PIGB: variants seen among roughly 807,000 people sequenced by gnomAD.
The protein encoded by PIGB is GPI alpha-1,2-mannosyltransferase 3.
PIGB carries 58 observed loss-of-function variants against 68.4 expected under a neutral mutation model. The observed-to-expected ratio is 0.85, with a 90% CI of 0.69 to 1.06. The LOEUF is 1.06. PIGB is among the 50% of genes least tolerant of loss of function. PIGB has a pLI of 0.00. For synonymous variants in PIGB, 219 were observed against 220.5 expected, an observed-to-expected ratio of 0.99 and a Z score of 0.06; for missense variants, 634 against 655.8, an observed-to-expected ratio of 0.97 and a Z score of 0.36.
rs781507884 is a variant in PIGB, at chr15:55,354,935, C to T, written c.1475C>T (p.Ala492Val). Residue 492 changes from alanine to valine, a missense_variant, in exon 11 of 12, where the codon GCA becomes GTA. By Grantham distance (64) the Ala-to-Val change is moderately conservative. Transcript: ENST00000164305. ...NWLHREFHDD[A>V]SLPTHLITFS... ...TTACATAGAGAGTTTCATGATGATGCATCATTGCCTACTCACTTGATCACC... is the reference window on the plus strand; with the variant it reads ...TTACATAGAGAGTTTCATGATGATGTATCATTGCCTACTCACTTGATCACC... 1 of 1,612,918 alleles carries T rather than the reference C, an allele frequency of 6.2e-7. No homozygotes were observed. The highest frequency in any genetic ancestry group is 1.7e-5 in the Admixed American group (1 of 59,870).
At chr15:55,347,487 ATT>A (rs1373838215) in intron 9 of PIGB, among the ~76,000 whole-genome samples, 1 of 152,256 alleles carries the variant, frequency 6.6e-6, no homozygotes, top group African/African-American at 2.4e-5. Flanking sequence ...CCCAAACTTC[ATT>A]TTTAAGTTGG....
chr15:55,334,503 C>T (rs1487823654), intron 6 of PIGB, among the ~76,000 whole-genome samples: 2 of 151,984 alleles, frequency 1.3e-5, no homozygotes, highest in Non-Finnish European at 2.9e-5. Context: ...ACTATGAGCT[C>T]CTAGGATGAG....
chr15:55,346,913 A>C (rs2055807530), intron 9 of PIGB, among the ~76,000 whole-genome samples: 2 of 152,120 alleles, frequency 1.3e-5, no homozygotes, highest in Admixed American at 6.5e-5. Context: ...AATCTTTCCA[A>C]CCCTTCCTTT....
intron 6 of PIGB, among the ~76,000 whole-genome samples, chr15:55,337,545 A>C (rs1373828126): frequency 6.6e-6 from 1 of 152,224 alleles, no homozygotes; most frequent in Non-Finnish European, 1.5e-5. Flanking sequence ...GAGGTGGAAC[A>C]GTTTCATCCA....
chr15:55,334,733 T>A (rs1005582078), intron 6 of PIGB, among the ~76,000 whole-genome samples: 27 of 152,352 alleles, frequency 1.8e-4, no homozygotes, highest in Middle Eastern at 6.8e-3. Context: ...TATATTTTTT[T>A]ATTTGAGACG....
chr15:55,321,113 G>T (rs1484977872), intron 2 of PIGB, among the ~76,000 whole-genome samples, 160 bp from the exon 3 acceptor site: 1 of 151,866 alleles, frequency 6.6e-6, no homozygotes, highest in Non-Finnish European at 1.5e-5. Flanking sequence ...AATGAAAATA[G>T]ATTTTGCCAG....
intron 10 of PIGB, among the ~76,000 whole-genome samples, chr15:55,353,391 T>G (rs1168886067): frequency 1.3e-5 from 2 of 152,224 alleles, no homozygotes; most frequent in African/African-American, 4.8e-5. Context: ...AAATCACTAT[T>G]AGGTCTTGTG....
At chr15:55,340,562 A>G in intron 7 of PIGB, 50 bp from the exon 8 acceptor site, 1 of 1,229,394 alleles carries the variant, frequency 8.1e-7, no homozygotes, top group Non-Finnish European at 1.2e-6. Context: ...GCCAAAGATT[A>G]CTACTTGGCA....
chr15:55,325,870 C>A (rs756881544), intron 3 of PIGB, among the ~76,000 whole-genome samples: 2 of 151,886 alleles, frequency 1.3e-5, no homozygotes, highest in Non-Finnish European at 2.9e-5. Flanking sequence ...GAGCCAAGAT[C>A]ACACAGCTGC....
intron 4 of PIGB, among the ~76,000 whole-genome samples, chr15:55,328,230 G>T (rs1464740469): frequency 6.6e-6 from 1 of 152,190 alleles, no homozygotes; most frequent in Non-Finnish European, 1.5e-5. Flanking sequence ...TGGGAAGATA[G>T]ATTCCTGACA....
chr15:55,334,260 T>C (rs1461127396), intron 6 of PIGB, among the ~76,000 whole-genome samples: 1 of 152,258 alleles, frequency 6.6e-6, no homozygotes, highest in Non-Finnish European at 1.5e-5. Flanking sequence ...TTCCTAAATA[T>C]TTCTCACATA....
rs780061012 is a variant in PIGB at position 55,319,299 on chromosome 15, G to A, written c.49G>A (p.Ala17Thr). 1.1e-5 allele frequency: 17 copies of A among 1,604,828 alleles called. No homozygotes were observed. The highest frequency in any genetic ancestry group is 1.4e-5 in the Non-Finnish European group (16 of 1,176,228). The change falls in exon 1 of 12, where the codon GCC becomes ACC. Residue 17 changes from alanine (A) to threonine (T), a missense_variant. Coordinates refer to ENST00000164305, the MANE Select transcript of PIGB (RefSeq NM_004855.5). ...CGGAATGGAGCCGGGGGGCGGAGATGCCAGCCTCACTTTGCATGGTCTCCA... is the reference window on the plus strand; with the variant it reads ...CGGAATGGAGCCGGGGGGCGGAGATACCAGCCTCACTTTGCATGGTCTCCA... ...KCGMEPGGGD[A>T]SLTLHGLQNR...
chr15:55,350,199 C>G (rs1044268831), intron 9 of PIGB: 3 of 153,056 alleles, frequency 2.0e-5, no homozygotes, highest in African/African-American at 7.2e-5. Context: ...TACGGAAAAT[C>G]TCCCAGGTGC....
chr15:55,337,684 T>C (rs767825814), intron 6 of PIGB, among the ~76,000 whole-genome samples: 6 of 152,112 alleles, frequency 3.9e-5, no homozygotes, highest in Non-Finnish European at 8.8e-5. Flanking sequence ...CCTAGGTATA[T>C]GTCTAACAGA....
chr15:55,320,142 A>T, intron 1 of PIGB, 133 bp from the exon 2 acceptor site: 1 of 631,510 alleles, frequency 1.6e-6, no homozygotes, highest in Non-Finnish European at 2.5e-6. Flanking sequence ...AGTTGGCTTT[A>T]AGAATGGTGT....
At chr15:55,340,499 G>T (rs2055645111) in intron 7 of PIGB, 113 bp from the exon 8 acceptor site, 2 of 621,064 alleles carry the variant, frequency 3.2e-6, no homozygotes, top group South Asian at 2.5e-5. Context: ...ACTATTGCCT[G>T]GTTTTTAGAC....
chr15:55,331,772 G>A (rs185711327), intron 5 of PIGB, among the ~76,000 whole-genome samples: 13 of 152,020 alleles, frequency 8.6e-5, no homozygotes, highest in East Asian at 5.8e-4. Flanking sequence ...GTTCAACTCC[G>A]GGATCAAGTA....
chr15:55,333,674 G>A (rs2055471399), intron 5 of PIGB, among the ~76,000 whole-genome samples, 193 bp from the exon 6 acceptor site: 2 of 152,208 alleles, frequency 1.3e-5, no homozygotes, highest in South Asian at 2.1e-4. Context: ...AGAAGTTGCC[G>A]TGAGCCAAGA....
chr15:55,331,582 G>A (rs907355862), intron 5 of PIGB, among the ~76,000 whole-genome samples: 12 of 151,998 alleles, frequency 7.9e-5, no homozygotes, highest in African/African-American at 2.9e-4. Flanking sequence ...ATTTGGTGGT[G>A]CATGCCTATA....
Sources: allele counts gnomAD v4.1 joint callset (sites outside exome capture counted in the v4.1 genomes callset), GRCh38; gene constraint gnomAD v4.1.1; transcripts MANE v1.5; gene names NCBI Gene and HGNC (gene_info 2026-07-23, HGNC 2026-07-21).